ANO10: variants seen among roughly 807,000 people sequenced by gnomAD.
ANO10 encodes the protein anoctamin-10.
Under a neutral mutation model 74.7 loss-of-function variants are expected in ANO10, and 77 were observed. That is an observed-to-expected ratio of 1.03 (90% confidence interval 0.86 to 1.25). ANO10 has a LOEUF of 1.25. Among genes scored for constraint, ANO10 ranks in the 50% most tolerant of loss-of-function variants. The pLI, the probability that ANO10 is intolerant of heterozygous loss-of-function variation, is 0.00. For synonymous variants in ANO10, 279 were observed against 284.9 expected (o/e 0.98, Z 0.21); for missense variants, 721 against 778.1 (o/e 0.93, Z 0.87).
At chr3:43,498,978 C>A (rs1201896304) in intron 11 of ANO10, among the ~76,000 whole-genome samples, 1 of 152,086 alleles carries the variant, frequency 6.6e-6, no homozygotes, top group South Asian at 2.1e-4. Flanking sequence ...GGGGTAAGTC[C>A]CCAGACCCGA....
chr3:43,600,175 G>A (rs534919517), intron 3 of ANO10, among the ~76,000 whole-genome samples: 3 of 152,142 alleles, frequency 2.0e-5, no homozygotes, highest in Admixed American at 6.5e-5. Context: ...ACACAGCCTC[G>A]CCCATTCATT....
At chr3:43,531,929 T>C (rs1025080704) in intron 11 of ANO10, among the ~76,000 whole-genome samples, 1 of 149,130 alleles carries the variant, frequency 6.7e-6, no homozygotes, top group East Asian at 2.0e-4. Context: ...CCCATAGTCA[T>C]GAAAGAGCCA....
intron 12 of ANO10, chr3:43,372,700 T>C: frequency 1.4e-6 from 1 of 691,460 alleles, no homozygotes. Context: ...TTGCAGATTT[T>C]TTTTCTGTCT....
At chr3:43,679,455 G>A (rs1010087500) in intron 1 of ANO10, among the ~76,000 whole-genome samples, 8 of 152,156 alleles carry the variant, frequency 5.3e-5, no homozygotes, top group African/African-American at 1.9e-4. Context: ...GCTCGAACTG[G>A]GTAGAGCCCA....
intron 12 of ANO10, among the ~76,000 whole-genome samples, chr3:43,406,871 A>G (rs1306788644): frequency 1.3e-5 from 2 of 151,240 alleles, no homozygotes; most frequent in Admixed American, 1.3e-4. Flanking sequence ...AGGTTATTCC[A>G]CCTGCAGTGT....
upstream of ANO10, among the ~76,000 whole-genome samples, chr3:43,625,235 C>A (rs887280953): frequency 4.6e-5 from 7 of 152,208 alleles, no homozygotes; most frequent in African/African-American, 1.7e-4. Flanking sequence ...AGACTTTTTT[C>A]CTGGTCCTGT....
At chr3:43,482,175 G>T (rs1167393341) in intron 11 of ANO10, among the ~76,000 whole-genome samples, 2 of 151,956 alleles carry the variant, frequency 1.3e-5, no homozygotes, top group African/African-American at 4.8e-5. Context: ...TGATCCGCCT[G>T]CCTTGGCCTC....
At chr3:43,489,773 T>C (rs1000526126) in intron 11 of ANO10, among the ~76,000 whole-genome samples, 1 of 152,072 alleles carries the variant, frequency 6.6e-6, no homozygotes, top group Non-Finnish European at 1.5e-5. Flanking sequence ...AGAAGACTAG[T>C]TTGCTACAAA....
At chr3:43,596,956 TATGAAC>T (rs2082117175) in intron 4 of ANO10, among the ~76,000 whole-genome samples, 1 of 152,122 alleles carries the variant, frequency 6.6e-6, no homozygotes, top group Admixed American at 6.6e-5. Context: ...GGGCAAAGGA[TATGAAC>T]AGACATTTCT....
chr3:43,444,458 A>G (rs1450192254), intron 11 of ANO10, among the ~76,000 whole-genome samples: 1 of 152,232 alleles, frequency 6.6e-6, no homozygotes, highest in Non-Finnish European at 1.5e-5. Context: ...AAAAAAACCA[A>G]GGAACATATA....
At chr3:43,428,383 A>G (rs2092929639) in intron 12 of ANO10, among the ~76,000 whole-genome samples, 1 of 152,124 alleles carries the variant, frequency 6.6e-6, no homozygotes, top group Non-Finnish European at 1.5e-5. Context: ...ATTGATAATT[A>G]AAAGAAAAAA....
chr3:43,561,390 G>C lies in ANO10; in HGVS notation c.1306C>G (p.Leu436Val). 1 of 1,614,116 alleles carries C rather than the reference G, an allele frequency of 6.2e-7. No individual in the cohort carries two copies. The highest frequency in any genetic ancestry group is 1.1e-5 in the South Asian group (1 of 91,066). ...TTGAGGATCTGGGAGGTAATTAGGA[G>C]AGTGGCCAAGCTCTAAAGAGAAGCA... ...MKLLRQSLAT[L>V]LITSQILNQI... The change falls in exon 9 of 13, where the codon CTC becomes GTC. Residue 436 changes from leucine (L) to valine (V), a missense_variant. Transcript: ENST00000292246.
intron 8 of ANO10, among the ~76,000 whole-genome samples, chr3:43,562,782 C>T (rs1387067849): frequency 6.6e-6 from 1 of 152,010 alleles, no homozygotes; most frequent in East Asian, 1.9e-4. Flanking sequence ...AACTAGACCC[C>T]TCTCTATCAC....
At chr3:43,560,696 A>G (rs1182964902) in intron 9 of ANO10, among the ~76,000 whole-genome samples, 1 of 152,216 alleles carries the variant, frequency 6.6e-6, no homozygotes, top group Non-Finnish European at 1.5e-5. Context: ...GTAAATCTCT[A>G]ATGATCTGCT....
intron 11 of ANO10, among the ~76,000 whole-genome samples, chr3:43,445,549 A>G (rs1019192638): frequency 3.3e-5 from 5 of 152,212 alleles, no homozygotes; most frequent in Admixed American, 2.0e-4. Flanking sequence ...AGGATTCCAA[A>G]CAAACCATCT....
At chr3:43,538,524 T>C (rs2078815932) in intron 11 of ANO10, among the ~76,000 whole-genome samples, 1 of 152,188 alleles carries the variant, frequency 6.6e-6, no homozygotes, top group East Asian at 1.9e-4. Flanking sequence ...TTAACAACAA[T>C]TACTATGGCA....
At chr3:43,571,016 T>C (rs1228966905) in intron 7 of ANO10, among the ~76,000 whole-genome samples, 1 of 150,836 alleles carries the variant, frequency 6.6e-6, no homozygotes, top group East Asian at 1.9e-4. Context: ...CATCAAAAAG[T>C]GGGCGAAGGA....
intron 5 of ANO10, among the ~76,000 whole-genome samples, chr3:43,580,148 A>G (rs1338362261): frequency 6.6e-6 from 1 of 151,944 alleles, no homozygotes; most frequent in Non-Finnish European, 1.5e-5. Flanking sequence ...ATCTCAAAAA[A>G]AAAAAAAAAA....
chr3:43,448,361 C>A (rs752257762), intron 11 of ANO10, among the ~76,000 whole-genome samples: 4 of 152,168 alleles, frequency 2.6e-5, no homozygotes, highest in Non-Finnish European at 4.4e-5. Context: ...CTTCCCTCCC[C>A]CTCAACTCCC....
Sources: allele counts gnomAD v4.1 joint callset (sites outside exome capture counted in the v4.1 genomes callset), GRCh38; gene constraint gnomAD v4.1.1; transcripts MANE v1.5; gene names NCBI Gene and HGNC (gene_info 2026-07-23, HGNC 2026-07-21).